The following CTDSPL variants were observed in gnomAD, a reference collection of about 807,000 sequenced individuals.
CTDSPL encodes CTD small phosphatase-like protein.
A neutral mutation model predicts 30.5 loss-of-function variants in CTDSPL; 8 were observed. That is an observed-to-expected ratio of 0.26 (90% CI 0.15 to 0.47). CTDSPL has a LOEUF of 0.47. Ranked by LOEUF, CTDSPL falls within the 20% of genes least tolerant of loss-of-function variation. The probability of loss-of-function intolerance (pLI) is 0.99; values close to 1 mark genes in which losing one functional copy is unlikely to be tolerated. For synonymous variants in CTDSPL, 110 were observed against 137.9 expected (o/e 0.80, Z 1.42); for missense variants, 248 against 366.1 (o/e 0.68, Z 2.63).
chr3:37,904,565 G>A (rs532190906), intron 1 of CTDSPL, among the ~76,000 whole-genome samples: 2 of 152,092 alleles, frequency 1.3e-5, no homozygotes, highest in African/African-American at 2.4e-5. Context: ...AGCCCACCCC[G>A]GGCTCCCAAA....
rs1250745480 is a variant in CTDSPL, at chr3:37,984,074, C to T, written c.*3207C>T. The T allele has an allele frequency of 2.6e-6, 1 of 379,582 alleles. No homozygotes were observed. The highest frequency in any genetic ancestry group is 5.6e-6 in the Non-Finnish European group (1 of 179,740). 23.5% of individuals were successfully genotyped at this position (379,582 alleles called of 1,614,324 possible). ...CCACACAGCCCTATGGTCAAACAATCCTACGTTTGTGCCTCTGCTTTTAAA... is the reference window on the plus strand; with the variant it reads ...CCACACAGCCCTATGGTCAAACAATTCTACGTTTGTGCCTCTGCTTTTAAA... On this transcript the variant is annotated 3_prime_UTR_variant, in exon 8 of 8. Transcript: ENST00000273179.
At chr3:37,942,658 A>G (rs1198393836) in intron 1 of CTDSPL, among the ~76,000 whole-genome samples, 1 of 150,132 alleles carries the variant, frequency 6.7e-6, no homozygotes, top group East Asian at 2.0e-4. Flanking sequence ...AACAAACAAA[A>G]ATTATGGAGT....
chr3:37,946,122 C>A (rs1331784199), intron 1 of CTDSPL, among the ~76,000 whole-genome samples: 1 of 152,254 alleles, frequency 6.6e-6, no homozygotes, highest in Admixed American at 6.5e-5. Context: ...TCCGCCCAGG[C>A]ATGGCATGTG....
chr3:37,881,336 C>G lies in CTDSPL; in HGVS notation c.79+19058C>G, dbSNP rs183091357. Among the ~76,000 whole-genome samples, 761 of 152,184 alleles carry G rather than the reference C, an allele frequency of 5.0e-3. 1 individual carries two copies. Among genetic ancestry groups the G allele is most frequent in the Middle Eastern group, 0.027 (8 of 294 alleles). ...TTGAGGTTAGGAGCTCAAGACCAGC[C>G]TGGCCAACATGGTGAAATCCTGTCT... On this transcript the variant is annotated intron_variant, in intron 1 of 7. Transcript: ENST00000273179.
chr3:37,934,904 GACTCAGATATGA>G (rs1027871973), intron 1 of CTDSPL, among the ~76,000 whole-genome samples: 5 of 152,120 alleles, frequency 3.3e-5, no homozygotes, highest in African/African-American at 1.2e-4. Context: ...GGTCCTAGGG[GACTCAGATATGA>G]ACAAGATAGG....
intron 1 of CTDSPL, among the ~76,000 whole-genome samples, chr3:37,886,915 C>CA (rs1003300404): frequency 5.3e-5 from 8 of 152,214 alleles, no homozygotes; most frequent in African/African-American, 1.9e-4. Context: ...GATCCTGACA[C>CA]AGGGAGCTTT....
At chr3:37,870,584 C>G (rs1698060857) in intron 1 of CTDSPL, among the ~76,000 whole-genome samples, 1 of 151,992 alleles carries the variant, frequency 6.6e-6, no homozygotes, top group Non-Finnish European at 1.5e-5. Flanking sequence ...ATCTTTATTT[C>G]CTTACTTCCG....
At chr3:37,956,627 C>T (rs1699176459) in intron 2 of CTDSPL, among the ~76,000 whole-genome samples, 1 of 152,112 alleles carries the variant, frequency 6.6e-6, no homozygotes, top group African/African-American at 2.4e-5. Flanking sequence ...GCCTTGTCCC[C>T]TCTCCCCAGT....
intron 1 of CTDSPL, among the ~76,000 whole-genome samples, chr3:37,876,511 T>C (rs890002213): frequency 6.6e-6 from 1 of 152,152 alleles, no homozygotes; most frequent in African/African-American, 2.4e-5. Context: ...GCCATTATAG[T>C]GGGTATTTAG....
At chr3:37,943,754 A>G (rs1028858294) in intron 1 of CTDSPL, among the ~76,000 whole-genome samples, 2 of 150,284 alleles carry the variant, frequency 1.3e-5, no homozygotes, top group African/African-American at 4.8e-5. Context: ...GGTGAGAGGT[A>G]AAGTCTTGGT....
intron 1 of CTDSPL, among the ~76,000 whole-genome samples, chr3:37,874,036 A>G (rs967368796): frequency 2.6e-5 from 4 of 152,240 alleles, no homozygotes; most frequent in Admixed American, 2.0e-4. Context: ...ATTTAAGTAA[A>G]CAGAAATGTC....
chr3:37,863,015 C>T (rs1214963776), intron 1 of CTDSPL, among the ~76,000 whole-genome samples: 1 of 152,164 alleles, frequency 6.6e-6, no homozygotes, highest in Non-Finnish European at 1.5e-5. Flanking sequence ...GTGTGCCTTC[C>T]TGTGTATCAG....
chr3:37,869,044 GTCTC>G (rs147616051), intron 1 of CTDSPL, among the ~76,000 whole-genome samples: 4,804 of 152,084 alleles, frequency 0.032, 245 homozygotes, highest in African/African-American at 0.11. Flanking sequence ...AACACAGTAC[GTCTC>G]TCTATTTATT....
At chr3:37,968,831 A>T (rs1287173361) in intron 5 of CTDSPL, among the ~76,000 whole-genome samples, 4 of 152,244 alleles carry the variant, frequency 2.6e-5, no homozygotes, top group Non-Finnish European at 4.4e-5. Context: ...GTTAAAGGTC[A>T]TACGATGGGA....
intron 1 of CTDSPL, among the ~76,000 whole-genome samples, chr3:37,866,298 A>G (rs1176257536): frequency 1.3e-5 from 2 of 152,144 alleles, no homozygotes; most frequent in African/African-American, 4.8e-5. Flanking sequence ...AACAGTATAA[A>G]CAGTATGGTT....
At chr3:37,950,609 G>A (rs1699095756) in intron 2 of CTDSPL, among the ~76,000 whole-genome samples, 1 of 152,186 alleles carries the variant, frequency 6.6e-6, no homozygotes, top group Non-Finnish European at 1.5e-5. Flanking sequence ...AGAACAGCAG[G>A]CATCTAGGAG....
At chr3:37,895,468 T>C (rs1441258008) in intron 1 of CTDSPL, among the ~76,000 whole-genome samples, 1 of 152,204 alleles carries the variant, frequency 6.6e-6, no homozygotes, top group East Asian at 1.9e-4. Context: ...TGGCTGTGAT[T>C]GTCCCAAAGT....
chr3:37,885,631 G>A (rs1698254361), intron 1 of CTDSPL, among the ~76,000 whole-genome samples: 1 of 152,102 alleles, frequency 6.6e-6, no homozygotes, highest in African/African-American at 2.4e-5. Context: ...AGCAAAACCA[G>A]GTTTGCAGTA....
intron 1 of CTDSPL, among the ~76,000 whole-genome samples, chr3:37,923,050 G>A (rs1024698116): frequency 5.3e-5 from 8 of 152,240 alleles, no homozygotes; most frequent in African/African-American, 1.9e-4. Flanking sequence ...CTACCGAGGG[G>A]CTGTAAGCAG....
Sources: gnomAD v4.1 joint callset for allele counts (sites outside exome capture counted in the v4.1 genomes callset) on GRCh38, gnomAD v4.1.1 for gene constraint, MANE v1.5 for transcripts, NCBI Gene and HGNC (gene_info 2026-07-23, HGNC 2026-07-21) for gene names.